The following PAQR3 variants were observed in gnomAD, a reference collection of about 807,000 sequenced individuals.
The protein encoded by PAQR3 is Raf kinase trapping to Golgi.
In PAQR3, 39 loss-of-function variants were observed where a neutral mutation model predicts 41.7. The observed-to-expected ratio is 0.93, with a 90% CI of 0.72 to 1.22. The LOEUF is 1.22. PAQR3 is among the 50% of genes most tolerant of loss of function. The pLI, the probability that PAQR3 is intolerant of heterozygous loss-of-function variation, is 0.00. For synonymous variants in PAQR3, 140 were observed against 140.6 expected (o/e 1.00, Z 0.03); for missense variants, 366 against 385.6 (o/e 0.95, Z 0.42).
intron 11 of PAQR3, chr4:78,898,863 A>G (rs973127771): frequency 2.0e-5 from 3 of 152,206 alleles, no homozygotes; most frequent in Non-Finnish European, 2.9e-5. Flanking sequence ...CAGCTGGTGC[A>G]GTGGCATGTG....
At chr4:78,904,526 T>G (rs1734190737) in intron 11 of PAQR3, among the ~76,000 whole-genome samples, 1 of 151,928 alleles carries the variant, frequency 6.6e-6, no homozygotes, top group African/African-American at 2.4e-5. Context: ...TTATAACCTA[T>G]CATTGCTGTT....
chr4:78,907,122 A>G (rs1341912858), downstream of PAQR3, among the ~76,000 whole-genome samples: 2 of 152,342 alleles, frequency 1.3e-5, no homozygotes, highest in East Asian at 3.9e-4. Flanking sequence ...GTGAACAGTT[A>G]TATATGGAAT....
rs375536677 is a variant in PAQR3 at position 78,887,184 on chromosome 4, G to A, written c.*1050C>T. The A allele has an allele frequency of 1.8e-5, 29 of 1,604,526 alleles. No homozygotes were observed. The African/African-American group carries it at 3.5e-4, about 19-fold the overall frequency. ...ATCTTATTTTTGCAGATAGGCTCGA[G>A]GAGAGAGCATCCTCAGATAAGAATG... On this transcript the variant is annotated 3_prime_UTR_variant and NMD_transcript_variant, in exon 13 of 13. Coordinates refer to the PAQR3 transcript ENST00000342820.
intron 11 of PAQR3, among the ~76,000 whole-genome samples, chr4:78,890,918 G>C (rs1210610181): frequency 9.9e-5 from 15 of 152,156 alleles, no homozygotes; most frequent in Non-Finnish European, 4.4e-5. Flanking sequence ...GCCTAGGCTG[G>C]GTGGGGTGGC....
At chr4:78,899,144 A>AC (rs1733866143) in intron 11 of PAQR3, 4 of 152,222 alleles carry the variant, frequency 2.6e-5, no homozygotes, top group Admixed American at 2.0e-4. Context: ...ACATAGTGAG[A>AC]CCCCTTCTCT....
downstream of PAQR3, chr4:78,911,478 A>T: frequency 6.2e-7 from 1 of 1,614,020 alleles, no homozygotes; most frequent in Non-Finnish European, 8.5e-7. Context: ...GCTTACAGAA[A>T]CTGTCCTCTC....
At chr4:78,922,773 A>G (rs967037633) in intron 5 of PAQR3, 10 of 379,590 alleles carry the variant, frequency 2.6e-5, no homozygotes, top group South Asian at 1.4e-4. Flanking sequence ...GGGAAAAAAA[A>G]GTATTTCCAT....
chr4:78,928,047 G>A (rs1271844616), intron 3 of PAQR3, among the ~76,000 whole-genome samples: 1 of 152,204 alleles, frequency 6.6e-6, no homozygotes, highest in Non-Finnish European at 1.5e-5. Context: ...ATCATGGACT[G>A]ACTCTATCAG....
intron 11 of PAQR3, among the ~76,000 whole-genome samples, chr4:78,890,679 A>C (rs1030111161): frequency 3.3e-5 from 5 of 152,110 alleles, no homozygotes; most frequent in Non-Finnish European, 5.9e-5. Context: ...ATTTCCTCCC[A>C]GTTTAAGGTG....
rs538435578 is a variant in PAQR3 at position 78,916,736 on chromosome 4, TAAC to T, written c.*3800_*3802del. The T allele has an allele frequency of 1.4e-4, 21 of 152,006 alleles. No individual in the cohort carries two copies. In the East Asian group the frequency reaches 2.7e-3, roughly 20 times the overall value. 9.4% of individuals were successfully genotyped at this position (152,006 alleles called of 1,614,324 possible). On this transcript the variant is annotated 3_prime_UTR_variant, in exon 6 of 6. Transcript: ENST00000512733. ...AATTTTTAAAAATCTTTAAAACTGA[TAAC>T]ATCTTTGGCTGAATTAATACTGGTT...
intron 1 of PAQR3, 108 bp from the exon 2 acceptor site, chr4:78,935,391 C>T (rs537610906): frequency 1.2e-6 from 1 of 834,662 alleles, no homozygotes; most frequent in South Asian, 2.1e-5. Context: ...CTCCTTTAAG[C>T]TCTTACCCCA....
intron 11 of PAQR3, among the ~76,000 whole-genome samples, chr4:78,891,044 A>G (rs1403226548): frequency 1.3e-5 from 2 of 152,168 alleles, no homozygotes; most frequent in African/African-American, 2.4e-5. Flanking sequence ...ACAAAAATAA[A>G]TACAAAATAA....
At chr4:78,922,838 G>C in intron 5 of PAQR3, 1 of 443,214 alleles carries the variant, frequency 2.3e-6, no homozygotes, top group Middle Eastern at 3.3e-4. Flanking sequence ...CTTAGCCCAC[G>C]TAACTAGAAA....
At chr4:78,926,425 A>G (rs1736228533) in intron 4 of PAQR3, 96 bp downstream of exon 4, 9 of 998,920 alleles carry the variant, frequency 9.0e-6, no homozygotes, top group Non-Finnish European at 1.2e-5. Flanking sequence ...AATGACAAAC[A>G]TCTACCCACT....
chr4:78,901,746 CACCT>C (rs764840023), intron 11 of PAQR3, among the ~76,000 whole-genome samples: 34 of 152,140 alleles, frequency 2.2e-4, no homozygotes, highest in Non-Finnish European at 4.7e-4. Flanking sequence ...TTTTAATAAA[CACCT>C]ACAACTTCTA....
chr4:78,920,829 A>C (rs1390996709), intron 5 of PAQR3, 148 bp from the exon 6 acceptor site: 1 of 783,028 alleles, frequency 1.3e-6, no homozygotes, highest in Non-Finnish European at 1.9e-6. Flanking sequence ...ACGTTTTTAG[A>C]AATGGATCAA....
At chr4:78,923,652 C>A in intron 5 of PAQR3, 1 of 579,696 alleles carries the variant, frequency 1.7e-6, no homozygotes, top group Non-Finnish European at 3.1e-6. Flanking sequence ...AGTGACAACA[C>A]CACCTACTGG....
Position 78,919,318 on chromosome 4 carries a change from T to G in PAQR3, c.*1221A>C. 3.0e-6 allele frequency: 3 copies of G among 983,774 alleles called. No homozygotes were observed. Among genetic ancestry groups the G allele is most frequent in the Non-Finnish European group, 3.6e-6 (3 of 828,522 alleles). The allele number at this position is 983,774 out of a possible 1,614,324, so 60.9% of individuals were successfully genotyped here. A position where few individuals can be genotyped will look rare whatever the true frequency, so the allele number is the denominator to read the frequency against. On this transcript the variant is annotated 3_prime_UTR_variant, in exon 6 of 6. Coordinates refer to ENST00000512733, the MANE Select transcript of PAQR3 (RefSeq NM_001040202.2). Reference sequence around the variant, plus strand: ...TTATACTCCAATAAACAATGTAAGTTTTTATGAATGTCTACTTTAAGGGAT... The same window carrying G: ...TTATACTCCAATAAACAATGTAAGTGTTTATGAATGTCTACTTTAAGGGAT...
In PAQR3 at chr4:78,919,141, C is replaced by G. The variant is rs1255277751; in HGVS notation, c.*1398G>C. ...TGTATTAACTGAGGCACATTAGTGA[C>G]TTTCCAAGTATCATATGCACAAAAG... is the stretch of plus-strand genomic sequence containing the variant. On this transcript the variant is annotated 3_prime_UTR_variant, in exon 6 of 6. Transcript: ENST00000512733. The G allele has an allele frequency of 5.1e-6, 5 of 984,988 alleles. No individual in the cohort carries two copies. The East Asian group carries it at 3.4e-4, about 67-fold the overall frequency. 61.0% of individuals were successfully genotyped at this position (984,988 alleles called of 1,614,324 possible).
Sources: gnomAD v4.1 joint callset for allele counts (sites outside exome capture counted in the v4.1 genomes callset) on GRCh38, gnomAD v4.1.1 for gene constraint, MANE v1.5 for transcripts, NCBI Gene and HGNC (gene_info 2026-07-23, HGNC 2026-07-21) for gene names.